Variants in GPR137B observed in about 807,000 individuals in gnomAD.
GPR137B encodes G protein-coupled receptor 137B, also known as integral membrane protein GPR137B.
A neutral mutation model predicts 42.5 loss-of-function variants in GPR137B; 42 were observed. The ratio of observed to expected loss-of-function variants is 0.99; its 90% CI spans 0.77 to 1.28. The LOEUF (loss-of-function observed/expected upper bound fraction) is 1.28. GPR137B is among the 50% of genes most tolerant of loss of function. The probability of loss-of-function intolerance (pLI) is 0.00; values close to 1 mark genes in which losing one functional copy is unlikely to be tolerated. For synonymous variants in GPR137B, 218 were observed against 209.7 expected, an observed-to-expected ratio of 1.04 and a Z score of -0.34; for missense variants, 487 against 493.9, an observed-to-expected ratio of 0.99 and a Z score of 0.13.
chr1:236,151,512 C>T lies in GPR137B; in HGVS notation c.414+8476C>T, dbSNP rs373106377. 2.8e-4 allele frequency among the ~76,000 whole-genome samples: 42 copies of T among 150,508 alleles called. No homozygotes were observed. The South Asian group carries it at 7.0e-3, about 25-fold the overall frequency. On this transcript the variant is annotated intron_variant, in intron 1 of 6. Coordinates refer to ENST00000366592, the MANE Select transcript of GPR137B (RefSeq NM_003272.4). ...AATCTCGGCTCACTGCAACATCTGC[C>T]TCCCAGGTTCAAGTGATTCTCCTGC...
chr1:236,177,124 A>G (rs960757738), intron 2 of GPR137B, among the ~76,000 whole-genome samples: 3 of 152,046 alleles, frequency 2.0e-5, no homozygotes, highest in African/African-American at 7.3e-5. Flanking sequence ...GTTATGTGAG[A>G]GATTTTTGCC....
rs1349509243 is a variant in GPR137B at position 236,208,835 on chromosome 1, A to C, written c.*677A>C. 2 of 983,194 alleles carry C rather than the reference A, an allele frequency of 2.0e-6. No homozygotes were observed. The highest frequency in any genetic ancestry group is 3.5e-5 in the African/African-American group (2 of 57,210). 60.9% of individuals were successfully genotyped at this position (983,194 alleles called of 1,614,324 possible). On this transcript the variant is annotated 3_prime_UTR_variant, in exon 7 of 7. Coordinates refer to ENST00000366592, the MANE Select transcript of GPR137B (RefSeq NM_003272.4). ...CTTTCAGTAGGGCGCTAATGTATAC[A>C]CATTAATGATAAGTTGATAACATTA...
chr1:236,170,039 CAAAAAA>C (rs11346365), intron 2 of GPR137B, among the ~76,000 whole-genome samples: 2 of 36,858 alleles, frequency 5.4e-5, no homozygotes, highest in African/African-American at 1.3e-4. Context: ...GAATCCATCT[CAAAAAA>C]AAAAAAAAAA....
chr1:236,167,106 C>T (rs960195210), intron 1 of GPR137B, among the ~76,000 whole-genome samples: 5 of 152,140 alleles, frequency 3.3e-5, no homozygotes, highest in African/African-American at 9.7e-5. Flanking sequence ...AGTCTTCTTT[C>T]CCCGCCCCGG....
chr1:236,149,535 G>A (rs764003188), intron 1 of GPR137B, among the ~76,000 whole-genome samples: 21 of 152,350 alleles, frequency 1.4e-4, no homozygotes, highest in African/African-American at 4.3e-4. Context: ...GGAAAGGGAC[G>A]TGGGTGATTG....
At chr1:236,187,888 G>C (rs559458984) in intron 5 of GPR137B, among the ~76,000 whole-genome samples, 1 of 152,230 alleles carries the variant, frequency 6.6e-6, no homozygotes, top group East Asian at 1.9e-4. Flanking sequence ...TAGCTTGATG[G>C]GGATAGCATT....
chr1:236,151,417 CAT>C (rs1491463303), intron 1 of GPR137B, among the ~76,000 whole-genome samples: 12,569 of 126,108 alleles, frequency 0.1, 1,738 homozygotes, highest in African/African-American at 0.31. Context: ...GTTGCATATT[CAT>C]TTTTTTTTTT....
chr1:236,195,119 T>C (rs1663296090), intron 5 of GPR137B, among the ~76,000 whole-genome samples: 1 of 152,148 alleles, frequency 6.6e-6, no homozygotes, highest in Admixed American at 6.5e-5. Context: ...AACAATCCAA[T>C]CACACTCTTT....
chr1:236,185,425 G>A (rs1007897757), intron 5 of GPR137B, among the ~76,000 whole-genome samples: 37 of 152,190 alleles, frequency 2.4e-4, no homozygotes, highest in African/African-American at 2.2e-4. Context: ...CCCTCAGGGC[G>A]CTTGGTGTAA....
In GPR137B at chr1:236,208,656, A is replaced by T. The variant is rs1364803784; in HGVS notation, c.*498A>T. 1.0e-6 allele frequency: 1 copy of T among 985,722 alleles called. No individual in the cohort carries two copies. Among genetic ancestry groups the T allele is most frequent in the Non-Finnish European group, 1.2e-6 (1 of 829,902 alleles). 61.1% of individuals were successfully genotyped at this position (985,722 alleles called of 1,614,324 possible). A position where few individuals can be genotyped will look rare whatever the true frequency, so the allele number is the denominator to read the frequency against. On this transcript the variant is annotated 3_prime_UTR_variant, in exon 7 of 7. Transcript: ENST00000366592. ...CCACATTGGTAGACTCCTAAAATAC[A>T]GTTGACAACTTAGCCAATTGCAACT...
At chr1:236,191,889 A>C (rs1195137052) in intron 5 of GPR137B, among the ~76,000 whole-genome samples, 1 of 152,204 alleles carries the variant, frequency 6.6e-6, no homozygotes, top group African/African-American at 2.4e-5. Context: ...CAGAGCCATC[A>C]GGCAGGCACA....
At position 236,178,518 on chromosome 1, in the gene GPR137B, TCGTCTCTGTG is replaced by T. The variant is rs1334134289; in HGVS notation, c.572_581del (p.Val191GlufsTer28). 3 of 1,613,528 alleles carry T rather than the reference TCGTCTCTGTG, an allele frequency of 1.9e-6. No homozygotes were observed. The highest frequency in any genetic ancestry group is 1.7e-6 in the Non-Finnish European group (2 of 1,179,634). On this transcript the variant is annotated frameshift_variant, in exon 3 of 7. Coordinates refer to ENST00000366592, the MANE Select transcript of GPR137B (RefSeq NM_003272.4). LOFTEE classifies it high-confidence loss of function. ...ACGGGAAATTGGGAGAGGAAGGTTATCGTCTCTGTGCGAGTGGCCATTAATGACACGCTCT... is the reference window on the plus strand; with the variant it reads ...ACGGGAAATTGGGAGAGGAAGGTTATCGAGTGGCCATTAATGACACGCTCT...
At position 236,180,896 on chromosome 1, in the gene GPR137B, C is replaced by T. The variant is rs540931970; in HGVS notation, c.837+868C>T. The stretch of plus-strand genomic sequence containing the variant: ...CCTCCCACAGTGCTAGGATTACAGG[C>T]GTAAGCCACTGTGCCAGCCAGTACT... On this transcript the variant is annotated intron_variant, in intron 4 of 6. Transcript: ENST00000366592. Among the ~76,000 whole-genome samples the T allele has an allele frequency of 2.6e-4, 39 of 152,206 alleles. 1 individual carries two copies. In the East Asian group the frequency reaches 7.4e-3, roughly 29 times the overall value.
intron 1 of GPR137B, among the ~76,000 whole-genome samples, chr1:236,167,034 C>T (rs1412304352): frequency 6.6e-6 from 1 of 151,936 alleles, no homozygotes; most frequent in African/African-American, 2.4e-5. Flanking sequence ...GGAAAGGCCC[C>T]GAGGCCGAGG....
intron 1 of GPR137B, among the ~76,000 whole-genome samples, chr1:236,161,053 C>G (rs887868838): frequency 2.0e-5 from 3 of 152,116 alleles, no homozygotes; most frequent in Non-Finnish European, 4.4e-5. Flanking sequence ...AGAAGGAACC[C>G]CGTGCCTCTT....
At chr1:236,185,047 G>A (rs1662984664) in intron 5 of GPR137B, among the ~76,000 whole-genome samples, 1 of 152,184 alleles carries the variant, frequency 6.6e-6, no homozygotes, top group South Asian at 2.1e-4. Context: ...GATTACAGGC[G>A]TGGGCCACCG....
chr1:236,207,226 G>A (rs779522644), intron 6 of GPR137B: 8 of 985,092 alleles, frequency 8.1e-6, no homozygotes, highest in African/African-American at 3.5e-5. Context: ...AAAGATTGTC[G>A]CTGAGAAAAA....
At chr1:236,173,384 GAA>G (rs1156651300) in intron 2 of GPR137B, among the ~76,000 whole-genome samples, 1 of 147,116 alleles carries the variant, frequency 6.8e-6, no homozygotes, top group African/African-American at 2.6e-5. Flanking sequence ...GGGAAAGAGA[GAA>G]AGACAGGTAG....
chr1:236,159,086 G>A (rs1260247765), intron 1 of GPR137B, among the ~76,000 whole-genome samples: 1 of 152,142 alleles, frequency 6.6e-6, no homozygotes, highest in African/African-American at 2.4e-5. Context: ...CGAGATGGGA[G>A]GATCACTTGA....
Sources: allele counts gnomAD v4.1 joint callset (sites outside exome capture counted in the v4.1 genomes callset), GRCh38; gene constraint gnomAD v4.1.1; transcripts MANE v1.5; gene names NCBI Gene and HGNC (gene_info 2026-07-23, HGNC 2026-07-21).